Variants in ATP9B observed in about 807,000 individuals in gnomAD.
The protein encoded by ATP9B is ATPase phospholipid transporting 9B.
ATP9B carries 110 observed loss-of-function variants against 146.1 expected under a neutral mutation model. The observed-to-expected ratio is 0.75, with a 90% CI of 0.65 to 0.88. The LOEUF is 0.88. Among genes scored for constraint, ATP9B ranks in the 40% least tolerant of loss-of-function variants. ATP9B has a pLI of 0.00. For synonymous variants in ATP9B, 604 were observed against 569.7 expected, an observed-to-expected ratio of 1.06 and a Z score of -0.86; for missense variants, 1,499 against 1,496.4, an observed-to-expected ratio of 1.00 and a Z score of -0.03.
chr18:79,334,305 C>T (rs904128602), intron 17 of ATP9B, among the ~76,000 whole-genome samples: 2 of 151,754 alleles, frequency 1.3e-5, no homozygotes, highest in East Asian at 1.9e-4. Flanking sequence ...TGCAGTGAGC[C>T]GAGATCGTGC....
chr18:79,295,942 T>C (rs546882702), intron 13 of ATP9B, among the ~76,000 whole-genome samples: 1 of 152,214 alleles, frequency 6.6e-6, no homozygotes, highest in Non-Finnish European at 1.5e-5. Flanking sequence ...AAGTAAATGT[T>C]TGTTGTTTAT....
chr18:79,197,356 A>G (rs1163192369), intron 9 of ATP9B, among the ~76,000 whole-genome samples: 1 of 151,950 alleles, frequency 6.6e-6, no homozygotes, highest in Non-Finnish European at 1.5e-5. Context: ...TTATATATAT[A>G]TAGCAATAAA....
At chr18:79,243,185 G>A (rs2095905949) in intron 11 of ATP9B, among the ~76,000 whole-genome samples, 1 of 152,160 alleles carries the variant, frequency 6.6e-6, no homozygotes, top group Non-Finnish European at 1.5e-5. Context: ...CAGATGTGTG[G>A]GCGGAACAGA....
intron 26 of ATP9B, chr18:79,363,418 A>G (rs2097002910): frequency 6.6e-6 from 1 of 152,264 alleles, no homozygotes; most frequent in Non-Finnish European, 1.5e-5. Flanking sequence ...TGGGAGGCAT[A>G]AACAGATGTT....
intron 29 of ATP9B, chr18:79,375,768 A>G: frequency 1.0e-6 from 1 of 985,430 alleles, no homozygotes; most frequent in South Asian, 4.7e-5. Flanking sequence ...AAATGAGTAC[A>G]CACAAACTTA....
At chr18:79,224,332 A>T (rs546721393) in intron 11 of ATP9B, among the ~76,000 whole-genome samples, 4 of 152,314 alleles carry the variant, frequency 2.6e-5, no homozygotes, top group Non-Finnish European at 5.9e-5. Context: ...ATGCCCCGTG[A>T]TTTCTGACGA....
At chr18:79,189,211 G>C (rs1381050658) in intron 8 of ATP9B, among the ~76,000 whole-genome samples, 1 of 152,058 alleles carries the variant, frequency 6.6e-6, no homozygotes. Flanking sequence ...TCCGGGCGTG[G>C]TGGTGTGCAC....
At chr18:79,182,036 T>A (rs1282192572) in intron 8 of ATP9B, among the ~76,000 whole-genome samples, 1 of 152,250 alleles carries the variant, frequency 6.6e-6, no homozygotes, top group Non-Finnish European at 1.5e-5. Context: ...AGCATCTCGA[T>A]CTTTATTAAA....
chr18:79,256,584 G>T (rs1056029741), intron 12 of ATP9B, among the ~76,000 whole-genome samples: 1 of 149,664 alleles, frequency 6.7e-6, no homozygotes, highest in African/African-American at 2.5e-5. Context: ...TTCTATTATT[G>T]TGGTTTCCTT....
chr18:79,126,667 A>G (rs1256418352), intron 5 of ATP9B, among the ~76,000 whole-genome samples: 1 of 152,208 alleles, frequency 6.6e-6, no homozygotes, highest in East Asian at 1.9e-4. Context: ...TTCTATTGGT[A>G]TATACGTATT....
intron 25 of ATP9B, among the ~76,000 whole-genome samples, chr18:79,356,540 T>A (rs548673383): frequency 6.6e-6 from 1 of 152,314 alleles, no homozygotes; most frequent in African/African-American, 2.4e-5. Flanking sequence ...AAAATAGTAG[T>A]CAGCAATAGA....
chr18:79,289,907 G>A (rs1438966624), intron 13 of ATP9B, among the ~76,000 whole-genome samples: 1 of 152,250 alleles, frequency 6.6e-6, no homozygotes, highest in Non-Finnish European at 1.5e-5. Flanking sequence ...GGTATTAGCA[G>A]CAGTGGGTGC....
chr18:79,213,061 C>CATGA (rs1413519371), intron 10 of ATP9B, among the ~76,000 whole-genome samples: 1 of 152,106 alleles, frequency 6.6e-6, no homozygotes, highest in Non-Finnish European at 1.5e-5. Flanking sequence ...AAGAGCCTGT[C>CATGA]TTATGATGCT....
At chr18:79,191,248 T>C (rs2095363555) in intron 8 of ATP9B, among the ~76,000 whole-genome samples, 1 of 152,130 alleles carries the variant, frequency 6.6e-6, no homozygotes, top group Non-Finnish European at 1.5e-5. Flanking sequence ...TTTCTTTAGG[T>C]ATTTTTGAGA....
At chr18:79,344,401 G>A (rs576685052) in intron 21 of ATP9B, 47 bp downstream of exon 21, 3 of 1,559,502 alleles carry the variant, frequency 1.9e-6, no homozygotes, top group African/African-American at 2.8e-5. Context: ...TGTCTCTGAG[G>A]CAAGGCTGGT....
rs680089 is a variant in ATP9B, at chr18:79,122,922, G to A, written c.559-3345G>A. Among the ~76,000 whole-genome samples, 623 of 152,172 alleles carry A rather than the reference G, an allele frequency of 4.1e-3. 9 individuals are homozygous for A. The highest frequency in any genetic ancestry group is 0.014 in the African/African-American group (598 of 41,520). ...ATATTCTTCACTCTATTATGGAGAC[G>A]TTTATCATAATATAAAAATTTCTTC... On this transcript the variant is annotated intron_variant, in intron 4 of 29. Coordinates refer to ENST00000426216, the MANE Select transcript of ATP9B (RefSeq NM_198531.5).
chr18:79,111,655 C>T (rs1339647653), intron 3 of ATP9B, among the ~76,000 whole-genome samples: 1 of 152,162 alleles, frequency 6.6e-6, no homozygotes, highest in Non-Finnish European at 1.5e-5. Context: ...TAAAGGTCAG[C>T]AGGTTCAGTC....
chr18:79,123,065 T>C (rs2094216647), intron 4 of ATP9B, among the ~76,000 whole-genome samples: 1 of 152,094 alleles, frequency 6.6e-6, no homozygotes, highest in East Asian at 1.9e-4. Flanking sequence ...TGTTCAACAT[T>C]GTATAGGGCA....
At chr18:79,128,256 C>T (rs1334564368) in intron 5 of ATP9B, among the ~76,000 whole-genome samples, 1 of 151,982 alleles carries the variant, frequency 6.6e-6, no homozygotes, top group Non-Finnish European at 1.5e-5. Flanking sequence ...TACGGGGTTT[C>T]ACTATGTTGG....
Sources: allele counts gnomAD v4.1 joint callset (sites outside exome capture counted in the v4.1 genomes callset), GRCh38; gene constraint gnomAD v4.1.1; transcripts MANE v1.5; gene names NCBI Gene and HGNC (gene_info 2026-07-23, HGNC 2026-07-21).